OR1B1: variants seen among roughly 807,000 people sequenced by gnomAD.
OR1B1 encodes the protein olfactory receptor family 1 subfamily B member 1.
For missense variants in OR1B1, 414 were observed against 402.1 expected (o/e 1.03, Z -0.25); for synonymous variants, 168 against 156.2 (o/e 1.08, Z -0.57).
chr9:122,641,672 A>G, the OR1B1 span, among the ~76,000 whole-genome samples: 1 of 152,216 alleles, frequency 6.6e-6, no homozygotes, highest in Admixed American at 6.5e-5. Flanking sequence ...AATAAGTTCA[A>G]GAGACCTTTT....
At chr9:122,630,730 G>A (rs1564219777), upstream of OR1B1, among the ~76,000 whole-genome samples, 1 of 151,654 alleles carries the variant, frequency 6.6e-6, no homozygotes, top group African/African-American at 2.4e-5. Flanking sequence ...GTTTTTTTAA[G>A]ACAGTCTCAC....
chr9:122,642,701 C>T, the OR1B1 span, among the ~76,000 whole-genome samples: 8 of 152,168 alleles, frequency 5.3e-5, no homozygotes, highest in Non-Finnish European at 1.0e-4. Context: ...ACGACAAACA[C>T]TTGTGTATCA....
the OR1B1 span, among the ~76,000 whole-genome samples, chr9:122,655,419 C>T: frequency 6.6e-6 from 1 of 152,032 alleles, no homozygotes; most frequent in Admixed American, 6.6e-5. Context: ...CAGAGCCTTA[C>T]CTAAATCAAC....
At chr9:122,652,977 A>T in the OR1B1 span, among the ~76,000 whole-genome samples, 1 of 152,178 alleles carries the variant, frequency 6.6e-6, no homozygotes, top group Non-Finnish European at 1.5e-5. Context: ...ACAATGTGGG[A>T]TCCACCTGGA....
chr9:122,642,930 G>C, the OR1B1 span, among the ~76,000 whole-genome samples: 2 of 152,110 alleles, frequency 1.3e-5, no homozygotes, highest in Non-Finnish European at 2.9e-5. Context: ...TTTTATAAAA[G>C]ATTTTTGTAA....
At chr9:122,635,098 A>G in the OR1B1 span, among the ~76,000 whole-genome samples, 1 of 152,240 alleles carries the variant, frequency 6.6e-6, no homozygotes, top group Admixed American at 6.5e-5. Context: ...CTGCAGCATT[A>G]TTCACAATAG....
chr9:122,654,005 A>G, the OR1B1 span, among the ~76,000 whole-genome samples: 1 of 151,762 alleles, frequency 6.6e-6, no homozygotes, highest in African/African-American at 2.4e-5. Flanking sequence ...AAAATAAATT[A>G]GAGATCAACA....
chr9:122,646,041 G>A, the OR1B1 span, among the ~76,000 whole-genome samples: 7 of 152,188 alleles, frequency 4.6e-5, no homozygotes, highest in East Asian at 3.9e-4. Flanking sequence ...GTTTAAAAGC[G>A]AGGGGAAAAG....
the OR1B1 span, among the ~76,000 whole-genome samples, chr9:122,646,528 C>CA: frequency 0.029 from 3,863 of 135,458 alleles, 139 homozygotes; most frequent in African/African-American, 0.094. Context: ...CAATGAAGAC[C>CA]AAAAAAAAAA....
the OR1B1 span, among the ~76,000 whole-genome samples, chr9:122,649,505 T>C: frequency 2.5e-4 from 38 of 152,310 alleles, no homozygotes; most frequent in Non-Finnish European, 4.6e-4. Context: ...TCTATCCATC[T>C]GACAAAGGGC....
the OR1B1 span, among the ~76,000 whole-genome samples, chr9:122,646,565 A>G: frequency 6.6e-6 from 1 of 152,152 alleles, no homozygotes; most frequent in Non-Finnish European, 1.5e-5. Context: ...TACTTACATC[A>G]GACAAAATAG....
At chr9:122,638,574 A>C in the OR1B1 span, among the ~76,000 whole-genome samples, 1 of 152,162 alleles carries the variant, frequency 6.6e-6, no homozygotes, top group Non-Finnish European at 1.5e-5. Flanking sequence ...AGAATTAGGT[A>C]ATATCTATCC....
chr9:122,628,760 C>T (rs758936987), exon 1 of OR1B1: 1 of 1,614,062 alleles, frequency 6.2e-7, no homozygotes, highest in Non-Finnish European at 8.5e-7. Flanking sequence ...AATGATGGTG[C>T]CGTAGAGGAA....
At chr9:122,654,238 G>T in the OR1B1 span, among the ~76,000 whole-genome samples, 11 of 152,326 alleles carry the variant, frequency 7.2e-5, no homozygotes, top group South Asian at 2.3e-3. Context: ...AATTACAAAT[G>T]AGGACAGTTT....
upstream of OR1B1, among the ~76,000 whole-genome samples, chr9:122,631,748 A>T (rs1218597286): frequency 2.0e-5 from 3 of 152,126 alleles, no homozygotes; most frequent in Non-Finnish European, 2.9e-5. Flanking sequence ...TAAATTGAGG[A>T]CACTCAAAAG....
At chr9:122,629,530 C>T (rs1418053641) in exon 1 of OR1B1, 2 of 1,590,636 alleles carry the variant, frequency 1.3e-6, no homozygotes, top group Non-Finnish European at 1.7e-6. Flanking sequence ...GGGCAAAGCT[C>T]ATCATGAGTG....
At chr9:122,650,411 A>G in the OR1B1 span, among the ~76,000 whole-genome samples, 2 of 150,570 alleles carry the variant, frequency 1.3e-5, no homozygotes, top group Admixed American at 1.3e-4. Flanking sequence ...AAAAATGAAA[A>G]TTAAAAAAAT....
the OR1B1 span, among the ~76,000 whole-genome samples, chr9:122,649,478 G>A: frequency 2.1e-4 from 32 of 152,066 alleles, no homozygotes; most frequent in African/African-American, 7.7e-4. Flanking sequence ...CTACAGAATG[G>A]GAGAAAAATT....
chr9:122,636,161 T>A, the OR1B1 span, among the ~76,000 whole-genome samples: 14 of 152,202 alleles, frequency 9.2e-5, no homozygotes, highest in Non-Finnish European at 1.6e-4. Context: ...CTTCACCAAG[T>A]CCCTGCACGG....
Sources: gnomAD v4.1 joint callset for allele counts (sites outside exome capture counted in the v4.1 genomes callset) on GRCh38, gnomAD v4.1.1 for gene constraint, MANE v1.5 for transcripts, NCBI Gene and HGNC (gene_info 2026-07-23, HGNC 2026-07-21) for gene names.